Variants in PTPN4 observed in about 807,000 individuals in gnomAD.
The protein encoded by PTPN4 is protein tyrosine phosphatase non-receptor type 4, also known as tyrosine-protein phosphatase non-receptor type 4.
Under a neutral mutation model 135.5 loss-of-function variants are expected in PTPN4, and 49 were observed. The observed-to-expected ratio is 0.36, with a 90% CI of 0.29 to 0.46. PTPN4 has a LOEUF of 0.46. Among genes scored for constraint, PTPN4 ranks in the 20% least tolerant of loss-of-function variants. The probability of loss-of-function intolerance (pLI) is 1.00; values close to 1 mark genes in which losing one functional copy is unlikely to be tolerated. For synonymous variants in PTPN4, 333 were observed against 369.9 expected (o/e 0.90, Z 1.14); for missense variants, 860 against 1,101.0 (o/e 0.78, Z 3.10).
chr2:119,829,646 A>G (rs188900671), intron 2 of PTPN4, among the ~76,000 whole-genome samples: 2 of 152,332 alleles, frequency 1.3e-5, no homozygotes, highest in South Asian at 2.1e-4. Flanking sequence ...ATGTATCAGA[A>G]CTTTCACTTT....
At chr2:119,820,862 T>TAC (rs1401661206) in intron 2 of PTPN4, among the ~76,000 whole-genome samples, 1 of 139,878 alleles carries the variant, frequency 7.1e-6, no homozygotes, top group Non-Finnish European at 1.6e-5. Flanking sequence ...CATATATATA[T>TAC]ACACAGCTTT....
intron 2 of PTPN4, among the ~76,000 whole-genome samples, chr2:119,858,758 G>A (rs917554181): frequency 2.6e-5 from 4 of 151,354 alleles, no homozygotes; most frequent in Admixed American, 6.6e-5. Flanking sequence ...TCAGCCTCCC[G>A]GGTAGCTGGG....
chr2:119,827,675 C>T (rs886547858), intron 2 of PTPN4, among the ~76,000 whole-genome samples: 5 of 152,102 alleles, frequency 3.3e-5, no homozygotes, highest in African/African-American at 4.8e-5. Flanking sequence ...CAGATGCGTC[C>T]GTTGTGCTTC....
At chr2:119,861,753 A>G (rs892968631) in intron 2 of PTPN4, among the ~76,000 whole-genome samples, 1 of 152,064 alleles carries the variant, frequency 6.6e-6, no homozygotes, top group Admixed American at 6.5e-5. Context: ...CTCATAAGTT[A>G]TATTTTTTAT....
At chr2:119,820,446 C>T (rs1399825862) in intron 2 of PTPN4, among the ~76,000 whole-genome samples, 2 of 152,300 alleles carry the variant, frequency 1.3e-5, no homozygotes, top group Admixed American at 6.5e-5. Context: ...ATGACTCACT[C>T]TCTGCTGCCT....
intron 1 of PTPN4, among the ~76,000 whole-genome samples, chr2:119,779,320 A>T (rs1216693386): frequency 1.3e-5 from 2 of 152,234 alleles, no homozygotes; most frequent in Non-Finnish European, 2.9e-5. Flanking sequence ...ATTTCAAATA[A>T]GTGTAAAGAA....
chr2:119,958,142 T>TGACCCCATC (rs1169118916), intron 22 of PTPN4, among the ~76,000 whole-genome samples: 8 of 151,666 alleles, frequency 5.3e-5, no homozygotes, highest in African/African-American at 1.9e-4. Context: ...GGCAACATAT[T>TGACCCCATC]GAGACCCCAT....
In PTPN4 at chr2:119,902,685, A is replaced by T. The variant is rs140646855; in HGVS notation, c.764+1879A>T. 2.9e-3 allele frequency among the ~76,000 whole-genome samples: 437 copies of T among 152,348 alleles called. 1 individual carries two copies. The highest frequency in any genetic ancestry group is 5.6e-3 in the South Asian group (27 of 4,826). The stretch of plus-strand genomic sequence containing the variant: ...GAGAGGGAAGCAAAGTAGCCAGCCT[A>T]GCCAGGATCACCTGAGAGCCAGGAG... On this transcript the variant is annotated intron_variant, in intron 10 of 26. Transcript: ENST00000263708.
chr2:119,891,677 G>A (rs1431803302), intron 9 of PTPN4, among the ~76,000 whole-genome samples: 1 of 152,118 alleles, frequency 6.6e-6, no homozygotes, highest in African/African-American at 2.4e-5. Flanking sequence ...TTCATATCCT[G>A]AATAGTTTTC....
At chr2:119,968,081 G>C in intron 26 of PTPN4, 109 bp downstream of exon 26, 1 of 974,988 alleles carries the variant, frequency 1.0e-6, no homozygotes, top group Non-Finnish European at 1.4e-6. Context: ...TCAATTCCTT[G>C]CCATGGTCAA....
At position 119,983,495 on chromosome 2, in the gene PTPN4, T is replaced by C. The variant is rs1429606229; in HGVS notation, c.*6425T>C. Reference sequence around the variant, plus strand: ...GTCTGGGATTCTCTGGCACCTGTCTTTTCCCATCTTTTAATGAGTTGGCAA... The same window carrying C: ...GTCTGGGATTCTCTGGCACCTGTCTCTTCCCATCTTTTAATGAGTTGGCAA... On this transcript the variant is annotated 3_prime_UTR_variant, in exon 27 of 27. Transcript: ENST00000263708. 2 of 152,228 alleles carry C rather than the reference T, an allele frequency of 1.3e-5. 1 individual carries two copies. The highest frequency in any genetic ancestry group is 1.3e-4 in the Admixed American group (2 of 15,282). 9.4% of individuals were successfully genotyped at this position (152,228 alleles called of 1,614,324 possible). A position where few individuals can be genotyped will look rare whatever the true frequency, so the allele number is the denominator to read the frequency against.
chr2:119,768,459 A>G (rs1574323047), intron 1 of PTPN4, among the ~76,000 whole-genome samples: 1 of 152,180 alleles, frequency 6.6e-6, no homozygotes, highest in East Asian at 1.9e-4. Context: ...GAGCTAGGAA[A>G]TACATATATG....
chr2:119,937,848 C>T (rs1323780813), intron 15 of PTPN4, among the ~76,000 whole-genome samples: 2 of 152,000 alleles, frequency 1.3e-5, no homozygotes, highest in African/African-American at 4.8e-5. Context: ...AGAAGGATCA[C>T]TAGAGCCCAG....
rs369570605 is a variant in PTPN4, at chr2:119,952,010, A to G, written c.1694A>G (p.Gln565Arg). The change falls in exon 19 of 27, where the codon CAA becomes CGA. Residue 565 changes from glutamine to arginine, a missense_variant. Physicochemically the swap from Gln to Arg is conservative, Grantham distance 43. Around this residue, in one of 2 missense-constraint regions of PTPN4, gnomAD observed 684 missense variants for 807.0 expected, o/e 0.85. Coordinates refer to ENST00000263708, the MANE Select transcript of PTPN4 (RefSeq NM_002830.4). ...LCVPRLNEGDQVVLINGRDIA... is the reference protein window; with the variant it reads ...LCVPRLNEGDRVVLINGRDIA... ...GTCCCTAGACTGAATGAAGGGGACC[A>G]AGTTGTACTGATCAATGGTCGGGAC... is the stretch of plus-strand genomic sequence containing the variant. 6.2e-6 allele frequency: 10 copies of G among 1,613,208 alleles called. No individual in the cohort carries two copies. Among genetic ancestry groups the G allele is most frequent in the Non-Finnish European group, 8.5e-6 (10 of 1,179,386 alleles).
At chr2:119,788,259 A>G (rs72836812) in intron 1 of PTPN4, among the ~76,000 whole-genome samples, 4,862 of 152,234 alleles carry the variant, frequency 0.032, 132 homozygotes, top group South Asian at 0.068. Context: ...GAGTGTATTT[A>G]TTTAGAATAA....
intron 3 of PTPN4, among the ~76,000 whole-genome samples, chr2:119,872,260 CTT>C (rs1677924018): frequency 6.6e-6 from 1 of 152,028 alleles, no homozygotes; most frequent in Non-Finnish European, 1.5e-5. Context: ...TCCAGAATTA[CTT>C]TATTTGGGAG....
chr2:119,808,346 A>G (rs1691519037), intron 1 of PTPN4, among the ~76,000 whole-genome samples: 1 of 152,224 alleles, frequency 6.6e-6, no homozygotes, highest in African/African-American at 2.4e-5. Context: ...TCAGCCCAAA[A>G]TCTCCTTAAG....
chr2:119,874,905 T>C (rs755735016), intron 3 of PTPN4, among the ~76,000 whole-genome samples: 4 of 152,182 alleles, frequency 2.6e-5, no homozygotes, highest in Non-Finnish European at 4.4e-5. Context: ...TGTATGAGAG[T>C]GCCTGTTCTT....
intron 9 of PTPN4, among the ~76,000 whole-genome samples, chr2:119,899,831 C>A (rs2105014383): frequency 6.6e-6 from 1 of 152,156 alleles, no homozygotes; most frequent in African/African-American, 2.4e-5. Context: ...TTATGTATTA[C>A]CTTACCTAAC....
Sources: gnomAD v4.1 joint callset for allele counts (sites outside exome capture counted in the v4.1 genomes callset) on GRCh38, gnomAD v4.1.1 for gene constraint, gnomAD v4.1.1 regional missense constraint, MANE v1.5 for transcripts, NCBI Gene and HGNC (gene_info 2026-07-23, HGNC 2026-07-21) for gene names.